The following ALDH7A1 variants were observed in gnomAD, a reference collection of about 807,000 sequenced individuals.
ALDH7A1 encodes alpha-aminoadipic semialdehyde dehydrogenase.
A neutral mutation model predicts 79.9 loss-of-function variants in ALDH7A1; 63 were observed. That is an observed-to-expected ratio of 0.79 (90% CI 0.64 to 0.97). ALDH7A1 has a LOEUF of 0.97. ALDH7A1 is among the 50% of genes least tolerant of loss of function. The probability of loss-of-function intolerance (pLI) is 0.00; values close to 1 mark genes in which losing one functional copy is unlikely to be tolerated. For missense variants in ALDH7A1, 627 were observed against 665.2 expected (o/e 0.94, Z 0.63); for synonymous variants, 240 against 231.2 (o/e 1.04, Z -0.34).
Position 126,548,423 on chromosome 5 carries a change from C to CA in ALDH7A1, c.1489+1505_1489+1506insT, listed in dbSNP as rs1554098006. The stretch of plus-strand genomic sequence containing the variant: ...ATGAGCCACCATGCCCAGCCCAAAA[C>CA]TTTTTTTTTTTTTTTGCGGGGGAAG... On this transcript the variant is annotated intron_variant, in intron 16 of 17. Transcript: ENST00000409134. Among the ~76,000 whole-genome samples the CA allele has an allele frequency of 3.5e-5, 5 of 141,084 alleles. No homozygotes were observed. The East Asian group carries it at 1.1e-3, about 30-fold the overall frequency. The allele number at this position is 141,084 out of a possible 152,430, so 92.6% of individuals were successfully genotyped here. A position where few individuals can be genotyped will look rare whatever the true frequency, so the allele number is the denominator to read the frequency against.
At chr5:126,594,880 G>A in intron 1 of ALDH7A1, 127 bp downstream of exon 1, 1 of 1,305,552 alleles carries the variant, frequency 7.7e-7, no homozygotes, top group Non-Finnish European at 1.1e-6. Context: ...AACTTTTACT[G>A]TGGAGCTTCA....
At position 126,559,318 on chromosome 5, in the gene ALDH7A1, G is replaced by A. The variant is rs202069068; in HGVS notation, c.930C>T (p.Asp310=). The change falls in exon 11 of 18, where the codon GAC becomes GAT. Residue 310 remains aspartate, a synonymous_variant. Transcript: ENST00000409134. The part of the protein sequence containing the change: ...NNAIIAFEDA[D]LSLVVPSALF... ...GAGCTGATGGAACAACTAAGCTGAG[G>A]TCTGCATCTTCAAAGGCTTAGGAAA... is the stretch of plus-strand genomic sequence containing the variant. 7 of 1,613,832 alleles carry A rather than the reference G, an allele frequency of 4.3e-6. No homozygotes were observed. The South Asian group carries it at 6.6e-5, about 15-fold the overall frequency.
In ALDH7A1 at chr5:126,582,814, G is replaced by T. The variant is rs191130403; in HGVS notation, c.517+37C>A. Reference sequence around the variant, plus strand: ...ATTTTTTTTGGAGCTCTGTATATCAGAGTACAAAACTCAGCTTAACTAATT... The same window carrying T: ...ATTTTTTTTGGAGCTCTGTATATCATAGTACAAAACTCAGCTTAACTAATT... On this transcript the variant is annotated intron_variant, in intron 5 of 17. Coordinates refer to ENST00000409134, the MANE Select transcript of ALDH7A1 (RefSeq NM_001182.5). 1.5e-5 allele frequency: 24 copies of T among 1,610,680 alleles called. No homozygotes were observed. The Admixed American group carries it at 3.7e-4, about 25-fold the overall frequency.
chr5:126,577,469 T>G (rs1751016247), intron 5 of ALDH7A1, among the ~76,000 whole-genome samples: 1 of 152,170 alleles, frequency 6.6e-6, no homozygotes, highest in African/African-American at 2.4e-5. Flanking sequence ...GCAGTATCAG[T>G]GCACCTGGGA....
At chr5:126,558,166 C>CAAAAAAAAAAAAAAAAAAAAAAAAAAA (rs35559498) in intron 11 of ALDH7A1, among the ~76,000 whole-genome samples, 1 of 75,426 alleles carries the variant, frequency 1.3e-5, no homozygotes, top group African/African-American at 5.5e-5. Context: ...GACTCCAACT[C>CAAAAAAAAAAAAAAAAAAAAAAAAAAA]AAAAAAAAAA....
rs1415284262 is a variant in ALDH7A1, at chr5:126,543,444, A to G, written c.*1521T>C. 6.6e-6 allele frequency: 1 copy of G among 152,156 alleles called. No homozygotes were observed. Among genetic ancestry groups the G allele is most frequent in the African/African-American group, 2.4e-5 (1 of 41,426 alleles). The allele number at this position is 152,156 out of a possible 1,614,324, so 9.4% of individuals were successfully genotyped here. ...AATAGCTATATCAGTATTTGGCTTG[A>G]TTCATGTTCAATATTGACAACAGCA... On this transcript the variant is annotated 3_prime_UTR_variant, in exon 18 of 18. Coordinates refer to ENST00000409134, the MANE Select transcript of ALDH7A1 (RefSeq NM_001182.5).
chr5:126,581,087 G>C (rs557418503), intron 5 of ALDH7A1: 3 of 151,086 alleles, frequency 2.0e-5, no homozygotes, highest in African/African-American at 7.3e-5. Flanking sequence ...GCCTCCTGAA[G>C]TGCTGGGATT....
Position 126,570,596 on chromosome 5 carries a change from T to A in ALDH7A1, c.773+186A>T. 3 of 652,224 alleles carry A rather than the reference T, an allele frequency of 4.6e-6. No individual in the cohort carries two copies. The South Asian group carries it at 5.2e-5, about 11-fold the overall frequency. The allele number at this position is 652,224 out of a possible 1,614,324, so 40.4% of individuals were successfully genotyped here. A position where few individuals can be genotyped will look rare whatever the true frequency, so the allele number is the denominator to read the frequency against. The stretch of plus-strand genomic sequence containing the variant: ...TCTGGGCAATTAAAAAGACAATTCT[T>A]ATTCATCCTCCAATAGGAGTTAGGC... On this transcript the variant is annotated intron_variant, in intron 8 of 17. Coordinates refer to ENST00000409134, the MANE Select transcript of ALDH7A1 (RefSeq NM_001182.5).
At chr5:126,582,665 A>C (rs1751215953) in intron 5 of ALDH7A1, 186 bp downstream of exon 5, 1 of 726,546 alleles carries the variant, frequency 1.4e-6, no homozygotes, top group Non-Finnish European at 2.2e-6. Context: ...TTTAAAACAA[A>C]AAGGTTCTTG....
At chr5:126,590,632 C>T (rs569139328) in intron 3 of ALDH7A1, among the ~76,000 whole-genome samples, 2 of 152,250 alleles carry the variant, frequency 1.3e-5, no homozygotes, top group South Asian at 2.1e-4. Context: ...CGCCTGTAAT[C>T]CCAGCACTTT....
intron 8 of ALDH7A1, chr5:126,569,325 A>G (rs1310554624): frequency 6.6e-6 from 1 of 152,240 alleles, no homozygotes; most frequent in Non-Finnish European, 1.5e-5. Context: ...TGGTGCCAGA[A>G]AGGTTGGGGA....
chr5:126,594,004 C>A, intron 1 of ALDH7A1: 1 of 303,020 alleles, frequency 3.3e-6, no homozygotes, highest in South Asian at 2.9e-5. Context: ...AAGGCAGGTT[C>A]ATTATATAAT....
At chr5:126,555,868 G>T in intron 12 of ALDH7A1, 63 bp downstream of exon 12, 1 of 1,349,358 alleles carries the variant, frequency 7.4e-7, no homozygotes, top group Non-Finnish European at 1.1e-6. Context: ...ACTCAGATCA[G>T]AAACACTTGT....
At chr5:126,577,268 G>C (rs1312106994) in intron 5 of ALDH7A1, 57 bp from the exon 6 acceptor site, 1 of 1,604,508 alleles carries the variant, frequency 6.2e-7, no homozygotes, top group Non-Finnish European at 8.5e-7. Context: ...TGCCCATCAA[G>C]TTAATAAGAA....
At chr5:126,593,268 A>T in intron 2 of ALDH7A1, 83 bp downstream of exon 2, 1 of 1,578,056 alleles carries the variant, frequency 6.3e-7, no homozygotes, top group East Asian at 2.3e-5. Context: ...TCTGCCTCTA[A>T]AGAAAGCCTG....
chr5:126,563,014 TG>T (rs1254775688), intron 9 of ALDH7A1, among the ~76,000 whole-genome samples: 3 of 152,208 alleles, frequency 2.0e-5, no homozygotes, highest in African/African-American at 7.2e-5. Flanking sequence ...TTATAGGGTA[TG>T]GAGTTTCAGT....
chr5:126,594,874 T>C, intron 1 of ALDH7A1, 133 bp downstream of exon 1: 1 of 1,270,480 alleles, frequency 7.9e-7, no homozygotes, highest in South Asian at 1.3e-5. Context: ...CGAGAAAACT[T>C]TTACTGTGGA....
intron 7 of ALDH7A1, chr5:126,571,150 ATTTTTTTTTTTTTTTT>A (rs386404930): frequency 1.5e-5 from 3 of 206,660 alleles, no homozygotes; most frequent in Non-Finnish European, 2.8e-5. Flanking sequence ...CTATTAGCAG[ATTTTTTTTTTTTTTTT>A]TTTTTTTTTT....
chr5:126,573,641 T>A (rs1357531642), intron 7 of ALDH7A1, among the ~76,000 whole-genome samples: 1 of 147,684 alleles, frequency 6.8e-6, no homozygotes, highest in African/African-American at 2.5e-5. Context: ...GAGGTTTCAG[T>A]GAGCCGAGAT....
Sources: gnomAD v4.1 joint callset for allele counts (sites outside exome capture counted in the v4.1 genomes callset) on GRCh38, gnomAD v4.1.1 for gene constraint, MANE v1.5 for transcripts, NCBI Gene and HGNC (gene_info 2026-07-23, HGNC 2026-07-21) for gene names.